DENND1A: variants seen among roughly 807,000 people sequenced by gnomAD.
DENND1A encodes DENN domain-containing protein 1A.
In DENND1A, 51 loss-of-function variants were observed where a neutral mutation model predicts 113.7. The observed-to-expected ratio is 0.45, with a 90% CI of 0.36 to 0.57. The LOEUF is 0.57. Ranked by LOEUF, DENND1A falls within the 20% of genes least tolerant of loss-of-function variation. The pLI is 0.00. For missense variants in DENND1A, 1,258 were observed against 1,395.9 expected, an observed-to-expected ratio of 0.90 and a Z score of 1.57; for synonymous variants, 565 against 570.8, an observed-to-expected ratio of 0.99 and a Z score of 0.14.
chr9:123,847,258 A>C (rs961768156), intron 2 of DENND1A, among the ~76,000 whole-genome samples: 18 of 152,156 alleles, frequency 1.2e-4, no homozygotes, highest in Admixed American at 2.6e-4. Flanking sequence ...AAAACACACA[A>C]AAAAAATGGT....
intron 1 of DENND1A, among the ~76,000 whole-genome samples, chr9:123,904,256 C>A (rs1204190558): frequency 3.3e-5 from 5 of 151,912 alleles, no homozygotes; most frequent in Admixed American, 2.6e-4. Flanking sequence ...GATAAAACCA[C>A]AAAGATGGGG....
chr9:123,445,298 G>A (rs1271767855), intron 18 of DENND1A, among the ~76,000 whole-genome samples: 2 of 152,212 alleles, frequency 1.3e-5, no homozygotes, highest in Admixed American at 1.3e-4. Context: ...TGAAAGAGTA[G>A]AGCCCCAGGC....
chr9:123,928,856 A>C (rs903842611), intron 1 of DENND1A: 1 of 985,490 alleles, frequency 1.0e-6, no homozygotes, highest in South Asian at 4.7e-5. Flanking sequence ...ACTTTCTTGT[A>C]AGAGGGTTTA....
At chr9:123,650,403 A>G (rs1205487735) in intron 9 of DENND1A, among the ~76,000 whole-genome samples, 1 of 152,212 alleles carries the variant, frequency 6.6e-6, no homozygotes, top group African/African-American at 2.4e-5. Context: ...ATAAGTAAAC[A>G]CATAACTTGA....
intron 12 of DENND1A, among the ~76,000 whole-genome samples, chr9:123,574,076 C>A (rs2058500612): frequency 6.7e-6 from 1 of 148,600 alleles, no homozygotes; most frequent in African/African-American, 2.5e-5. Context: ...GTATTCACAT[C>A]TTTTAAAAAA....
At chr9:123,709,552 T>A (rs1247375264) in intron 5 of DENND1A, among the ~76,000 whole-genome samples, 1 of 152,180 alleles carries the variant, frequency 6.6e-6, no homozygotes, top group African/African-American at 2.4e-5. Context: ...TACTTCCCCA[T>A]GTCCCTTTAA....
chr9:123,688,225 C>G (rs79068514), intron 5 of DENND1A, among the ~76,000 whole-genome samples: 6 of 152,120 alleles, frequency 3.9e-5, no homozygotes, highest in Admixed American at 3.9e-4. Flanking sequence ...AGATGAGGGT[C>G]GAATCCAGTT....
intron 13 of DENND1A, among the ~76,000 whole-genome samples, chr9:123,530,061 A>G (rs1431947823): frequency 1.3e-5 from 2 of 152,228 alleles, no homozygotes; most frequent in Non-Finnish European, 2.9e-5. Flanking sequence ...GGAAGATGAA[A>G]GAGCAGGTAA....
chr9:123,687,220 A>G (rs982034511), intron 5 of DENND1A, among the ~76,000 whole-genome samples: 2 of 152,114 alleles, frequency 1.3e-5, no homozygotes, highest in African/African-American at 4.8e-5. Flanking sequence ...GCCCAAAATA[A>G]AATGAACCTC....
Position 123,774,861 on chromosome 9 carries a change from GT to G in DENND1A, c.133-5299del, listed in dbSNP as rs574144615. 1.4e-4 allele frequency among the ~76,000 whole-genome samples: 21 copies of G among 152,180 alleles called. 1 individual carries two copies. Among genetic ancestry groups the G allele is most frequent in the Admixed American group, 3.9e-4 (6 of 15,278 alleles). On this transcript the variant is annotated intron_variant, in intron 3 of 23. Transcript: ENST00000394215. Reference sequence around the variant, plus strand: ...TCTATAAACATGTTTCATATAAACTGTGTATCTAAATTATCAAGGACATTAA... The same window carrying G: ...TCTATAAACATGTTTCATATAAACTGGTATCTAAATTATCAAGGACATTAA...
intron 15 of DENND1A, among the ~76,000 whole-genome samples, chr9:123,455,122 G>A (rs368781085): frequency 6.6e-5 from 10 of 152,274 alleles, no homozygotes; most frequent in Admixed American, 2.0e-4. Context: ...ACGCTTGGCC[G>A]AAATTGCTTT....
chr9:123,550,947 C>T (rs148500789), intron 13 of DENND1A, among the ~76,000 whole-genome samples: 2 of 152,340 alleles, frequency 1.3e-5, no homozygotes, highest in Admixed American at 1.3e-4. Flanking sequence ...CCCTAACACA[C>T]ACTGCTACTC....
intron 5 of DENND1A, among the ~76,000 whole-genome samples, chr9:123,683,946 G>C (rs2064638097): frequency 6.6e-6 from 1 of 152,170 alleles, no homozygotes; most frequent in South Asian, 2.1e-4. Context: ...GGCAGCATTT[G>C]GGTTTGGAAA....
At chr9:123,799,167 A>T (rs1834226977) in intron 2 of DENND1A, among the ~76,000 whole-genome samples, 1 of 152,202 alleles carries the variant, frequency 6.6e-6, no homozygotes, top group African/African-American at 2.4e-5. Context: ...TATTTATTCA[A>T]ATATAAAAAA....
Position 123,921,232 on chromosome 9 carries a change from A to G in DENND1A, c.17+8657T>C, listed in dbSNP as rs75601632. Among the ~76,000 whole-genome samples the G allele has an allele frequency of 2.2e-3, 340 of 152,352 alleles. 3 individuals carry two copies. Among genetic ancestry groups the G allele is most frequent in the African/African-American group, 7.7e-3 (320 of 41,586 alleles). Reference sequence around the variant, plus strand: ...GATAGCTGCCATTTAATAAGCAGTCATATCTCCACTGAGAACTAGGCACAA... The same window carrying G: ...GATAGCTGCCATTTAATAAGCAGTCGTATCTCCACTGAGAACTAGGCACAA... On this transcript the variant is annotated intron_variant, in intron 1 of 23. Transcript: ENST00000394215.
intron 12 of DENND1A, among the ~76,000 whole-genome samples, chr9:123,577,760 T>A (rs1021327715): frequency 6.6e-6 from 1 of 152,178 alleles, no homozygotes; most frequent in Admixed American, 6.5e-5. Flanking sequence ...CTTGACGAAT[T>A]CACCCCCATG....
chr9:123,727,449 A>C (rs1260789100), intron 5 of DENND1A, among the ~76,000 whole-genome samples: 2 of 152,154 alleles, frequency 1.3e-5, no homozygotes, highest in African/African-American at 4.8e-5. Context: ...AATCTAACCC[A>C]CCTATCCAGA....
intron 2 of DENND1A, among the ~76,000 whole-genome samples, chr9:123,870,540 G>A (rs974939112): frequency 1.1e-4 from 17 of 151,048 alleles, no homozygotes; most frequent in African/African-American, 3.9e-4. Flanking sequence ...AGGTTCAAGC[G>A]ATTCTCCTGC....
chr9:123,480,079 C>T (rs1266620982), intron 13 of DENND1A, among the ~76,000 whole-genome samples: 2 of 152,210 alleles, frequency 1.3e-5, no homozygotes, highest in Non-Finnish European at 2.9e-5. Context: ...TACAAAATAA[C>T]AGACCTTCTG....
Sources: allele counts gnomAD v4.1 joint callset (sites outside exome capture counted in the v4.1 genomes callset), GRCh38; gene constraint gnomAD v4.1.1; transcripts MANE v1.5; gene names NCBI Gene and HGNC (gene_info 2026-07-23, HGNC 2026-07-21).